The following GRID1 variants were observed in gnomAD, a reference collection of about 807,000 sequenced individuals.
The protein encoded by GRID1 is glutamate ionotropic receptor delta type subunit 1, also known as glutamate receptor ionotropic, delta-1.
A neutral mutation model predicts 98.0 loss-of-function variants in GRID1; 28 were observed. That is an observed-to-expected ratio of 0.29 (90% CI 0.21 to 0.39). GRID1 has a LOEUF of 0.39. Ranked by LOEUF, GRID1 falls within the 10% of genes least tolerant of loss-of-function variation. GRID1 has a pLI of 1.00. For missense variants in GRID1, 1,111 were observed against 1,340.5 expected (o/e 0.83, Z 2.67); for synonymous variants, 553 against 538.5 (o/e 1.03, Z -0.37).
rs1381210199 is a variant in GRID1 at position 85,854,530 on chromosome 10, G to A, written c.1199C>T (p.Thr400Ile). The A allele has an allele frequency of 3.1e-6, 5 of 1,613,500 alleles. No homozygotes were observed. The highest frequency in any genetic ancestry group is 4.2e-6 in the Non-Finnish European group (5 of 1,179,436). ...GTCTTTGCCAAAAGTCTCACTATAG[G>A]TAGTGCCAAGGATTTCAAACTGGAC... ...PYVQFEILGTTYSETFGKDMR... is the reference protein window; with the variant it reads ...PYVQFEILGTIYSETFGKDMR... Residue 400 changes from threonine (T) to isoleucine (I), a missense_variant, in exon 8 of 16, where the codon ACC (threonine) becomes ATC (isoleucine). Thr to Ile is a moderately conservative substitution (Grantham distance 89). Transcript: ENST00000327946.
chr10:85,881,298 A>G (rs568709706), intron 5 of GRID1, among the ~76,000 whole-genome samples: 2 of 152,338 alleles, frequency 1.3e-5, no homozygotes, highest in African/African-American at 4.8e-5. Context: ...GGAACCAAAA[A>G]AGAGCCCACA....
intron 3 of GRID1, among the ~76,000 whole-genome samples, chr10:86,184,894 G>A (rs571216880): frequency 1.3e-5 from 2 of 152,150 alleles, no homozygotes; most frequent in South Asian, 2.1e-4. Flanking sequence ...TAGTGAAATC[G>A]AAATTGAAGT....
intron 4 of GRID1, among the ~76,000 whole-genome samples, chr10:85,987,632 C>G (rs970840467): frequency 3.3e-5 from 5 of 150,544 alleles, no homozygotes; most frequent in Non-Finnish European, 7.4e-5. Context: ...TCCCCTGCAG[C>G]CTTACCCTGC....
chr10:85,789,934 T>G (rs970116574), intron 8 of GRID1, among the ~76,000 whole-genome samples: 5 of 152,214 alleles, frequency 3.3e-5, no homozygotes, highest in Admixed American at 3.3e-4. Flanking sequence ...AGTTCTGCAG[T>G]GGCAGCACCC....
chr10:85,975,333 C>T (rs1842458816), intron 4 of GRID1, among the ~76,000 whole-genome samples: 1 of 152,210 alleles, frequency 6.6e-6, no homozygotes, highest in African/African-American at 2.4e-5. Context: ...GCTTGCGCAG[C>T]CTTTCCTGGC....
At chr10:85,974,123 G>A (rs1179976924) in intron 4 of GRID1, among the ~76,000 whole-genome samples, 1 of 152,186 alleles carries the variant, frequency 6.6e-6, no homozygotes, top group Non-Finnish European at 1.5e-5. Flanking sequence ...GAAAGTCTAT[G>A]CTCAGAACTT....
At chr10:85,718,075 T>C (rs898741150) in intron 12 of GRID1, among the ~76,000 whole-genome samples, 3 of 152,092 alleles carry the variant, frequency 2.0e-5, no homozygotes, top group Admixed American at 2.0e-4. Flanking sequence ...TGGCATTGAG[T>C]GTCTGTGGCT....
intron 2 of GRID1, among the ~76,000 whole-genome samples, chr10:86,294,781 C>A (rs528657024): frequency 2.6e-4 from 39 of 152,262 alleles, no homozygotes; most frequent in African/African-American, 8.9e-4. Context: ...AGGTGTGAGA[C>A]GGTCAGAAGT....
At chr10:85,646,773 G>A (rs1018206445) in intron 13 of GRID1, 11 of 210,040 alleles carry the variant, frequency 5.2e-5, no homozygotes, top group South Asian at 1.7e-4. Context: ...CCCTTTCCCC[G>A]TATGCAGACT....
chr10:86,203,649 G>C (rs1184155436), intron 3 of GRID1, among the ~76,000 whole-genome samples: 3 of 151,626 alleles, frequency 2.0e-5, no homozygotes, highest in Non-Finnish European at 4.4e-5. Context: ...TCCAATAAAA[G>C]AGTTCTCTGG....
intron 4 of GRID1, among the ~76,000 whole-genome samples, chr10:86,129,823 C>T (rs542062737): frequency 1.3e-5 from 2 of 152,226 alleles, no homozygotes; most frequent in Middle Eastern, 3.2e-3. Flanking sequence ...CAGTTCCCCC[C>T]TCAAGAGCAG....
At chr10:85,955,828 C>G (rs1031623247) in intron 4 of GRID1, among the ~76,000 whole-genome samples, 1 of 152,170 alleles carries the variant, frequency 6.6e-6, no homozygotes, top group Admixed American at 6.5e-5. Flanking sequence ...GCCCACAGTC[C>G]TAGAGTGGGA....
chr10:85,887,392 T>G (rs1250896106), intron 5 of GRID1, among the ~76,000 whole-genome samples: 1 of 152,222 alleles, frequency 6.6e-6, no homozygotes, highest in Admixed American at 6.5e-5. Context: ...GGGGTATGCA[T>G]GAGTCTCCCT....
At chr10:86,111,632 T>A (rs1763253354) in intron 4 of GRID1, among the ~76,000 whole-genome samples, 2 of 152,126 alleles carry the variant, frequency 1.3e-5, no homozygotes, top group South Asian at 4.1e-4. Flanking sequence ...GATAAAGGGG[T>A]TAACCCAAGC....
intron 8 of GRID1, among the ~76,000 whole-genome samples, chr10:85,797,110 G>A (rs1219633547): frequency 6.6e-6 from 1 of 151,930 alleles, no homozygotes; most frequent in Non-Finnish European, 1.5e-5. Flanking sequence ...AACCAAAATG[G>A]GAATGAAAGA....
chr10:85,995,680 C>G (rs911853634), intron 4 of GRID1, among the ~76,000 whole-genome samples: 1 of 152,228 alleles, frequency 6.6e-6, no homozygotes, highest in Non-Finnish European at 1.5e-5. Context: ...GTTTACCAAG[C>G]TTTTATCCTC....
At chr10:86,089,654 C>A (rs931131034) in intron 4 of GRID1, among the ~76,000 whole-genome samples, 3 of 152,044 alleles carry the variant, frequency 2.0e-5, no homozygotes, top group African/African-American at 7.2e-5. Flanking sequence ...CATAAAAATG[C>A]TTCCATGGGC....
intron 4 of GRID1, among the ~76,000 whole-genome samples, chr10:86,131,481 A>T (rs1260969076): frequency 6.6e-6 from 1 of 152,152 alleles, no homozygotes; most frequent in African/African-American, 2.4e-5. Context: ...AATGACCCAC[A>T]AAGGAAGGAA....
intron 4 of GRID1, among the ~76,000 whole-genome samples, chr10:86,071,693 T>G (rs1267063006): frequency 1.3e-5 from 2 of 152,188 alleles, no homozygotes; most frequent in Non-Finnish European, 2.9e-5. Flanking sequence ...GCTATAGGCA[T>G]GCTGAGGGAG....
Sources: allele counts gnomAD v4.1 joint callset (sites outside exome capture counted in the v4.1 genomes callset), GRCh38; gene constraint gnomAD v4.1.1; transcripts MANE v1.5; gene names NCBI Gene and HGNC (gene_info 2026-07-23, HGNC 2026-07-21).